EXOC6B: variants seen among roughly 807,000 people sequenced by gnomAD.
The protein encoded by EXOC6B is SEC15 homolog B.
In EXOC6B, 54 loss-of-function variants were observed where a neutral mutation model predicts 113.5. That is an observed-to-expected ratio of 0.48 (90% CI 0.38 to 0.60). EXOC6B has a LOEUF of 0.60. EXOC6B is among the 20% of genes least tolerant of loss of function. The pLI is 0.00. For missense variants in EXOC6B, 797 were observed against 977.5 expected (o/e 0.82, Z 2.46); for synonymous variants, 357 against 339.0 (o/e 1.05, Z -0.58).
chr2:72,229,777 A>G (rs190617673), intron 20 of EXOC6B, among the ~76,000 whole-genome samples: 1 of 152,302 alleles, frequency 6.6e-6, no homozygotes, highest in Admixed American at 6.5e-5. Context: ...AACTCAAAAT[A>G]TTTTTTAGAA....
rs1003745051 is a variant in EXOC6B, at chr2:72,315,148, A to C, written c.2196+19799T>G. 3.5e-4 allele frequency among the ~76,000 whole-genome samples: 53 copies of C among 152,192 alleles called. 1 individual carries two copies. The highest frequency in any genetic ancestry group is 1.2e-3 in the African/African-American group (51 of 41,452). ...ATTAAGTGAACTTTAAGTGACTTGA[A>C]TATCAAGACCTGAACAAGATGAAGG... On this transcript the variant is annotated intron_variant, in intron 20 of 21. Transcript: ENST00000272427.
chr2:72,540,276 A>G (rs1328869173), intron 8 of EXOC6B, among the ~76,000 whole-genome samples: 2 of 152,086 alleles, frequency 1.3e-5, no homozygotes, highest in Non-Finnish European at 2.9e-5. Flanking sequence ...GTGTCTTTAT[A>G]GCAGCATGAT....
At chr2:72,803,046 T>C (rs1323476018) in intron 1 of EXOC6B, among the ~76,000 whole-genome samples, 3 of 152,164 alleles carry the variant, frequency 2.0e-5, no homozygotes, top group Non-Finnish European at 2.9e-5. Context: ...TAGTGCCACA[T>C]ACATCTCAAA....
intron 18 of EXOC6B, among the ~76,000 whole-genome samples, chr2:72,391,922 T>C (rs796900125): frequency 6.6e-6 from 1 of 152,196 alleles, no homozygotes; most frequent in African/African-American, 2.4e-5. Flanking sequence ...TACAGACCCA[T>C]ATCTGAGTTC....
intron 20 of EXOC6B, among the ~76,000 whole-genome samples, chr2:72,288,364 T>C (rs919004743): frequency 1.3e-5 from 2 of 151,908 alleles, no homozygotes; most frequent in Non-Finnish European, 1.5e-5. Context: ...AAAAGATATA[T>C]ACAAGACTGT....
intron 20 of EXOC6B, among the ~76,000 whole-genome samples, chr2:72,281,137 G>A (rs1391071679): frequency 6.6e-6 from 1 of 152,190 alleles, no homozygotes; most frequent in African/African-American, 2.4e-5. Context: ...TGAGCAAAAT[G>A]TAGACTGAAC....
chr2:72,304,349 G>A (rs1376625489), intron 20 of EXOC6B, among the ~76,000 whole-genome samples: 2 of 152,072 alleles, frequency 1.3e-5, no homozygotes, highest in Non-Finnish European at 2.9e-5. Flanking sequence ...AATACTGGAG[G>A]TCAAATAGAA....
intron 19 of EXOC6B, among the ~76,000 whole-genome samples, chr2:72,341,846 C>A (rs769787787): frequency 6.6e-6 from 1 of 152,014 alleles, no homozygotes; most frequent in Non-Finnish European, 1.5e-5. Context: ...TGTTGAGTCA[C>A]AAAACATGTC....
chr2:72,243,509 C>A (rs1274173806), intron 20 of EXOC6B, among the ~76,000 whole-genome samples: 1 of 152,060 alleles, frequency 6.6e-6, no homozygotes, highest in African/African-American at 2.4e-5. Flanking sequence ...AACCAAACAC[C>A]CCATGTTCTC....
intron 20 of EXOC6B, among the ~76,000 whole-genome samples, chr2:72,195,594 A>T (rs182567709): frequency 1.3e-5 from 2 of 152,334 alleles, no homozygotes; most frequent in African/African-American, 4.8e-5. Context: ...GTTGTTAACT[A>T]AACTACCCTC....
intron 7 of EXOC6B, among the ~76,000 whole-genome samples, chr2:72,571,318 G>A (rs937274848): frequency 1.3e-5 from 2 of 152,048 alleles, no homozygotes; most frequent in African/African-American, 4.8e-5. Context: ...GGGAAGCCAA[G>A]GCAGGAGGAT....
chr2:72,213,699 C>A (rs73942565), intron 20 of EXOC6B, among the ~76,000 whole-genome samples: 2,237 of 152,142 alleles, frequency 0.015, 53 homozygotes, highest in African/African-American at 0.05. Flanking sequence ...GGACATGGGA[C>A]CTTTGAGAAG....
At chr2:72,494,310 G>T (rs1411768880) in intron 15 of EXOC6B, among the ~76,000 whole-genome samples, 1 of 151,894 alleles carries the variant, frequency 6.6e-6, no homozygotes, top group Non-Finnish European at 1.5e-5. Context: ...CTGATATAAG[G>T]TCACTTATAT....
intron 20 of EXOC6B, among the ~76,000 whole-genome samples, chr2:72,187,156 T>C (rs1037456228): frequency 6.6e-6 from 1 of 152,136 alleles, no homozygotes; most frequent in Non-Finnish European, 1.5e-5. Context: ...TGCATGCAGC[T>C]TTCCTGGATG....
At chr2:72,251,685 A>G (rs578193130) in intron 20 of EXOC6B, among the ~76,000 whole-genome samples, 4 of 152,338 alleles carry the variant, frequency 2.6e-5, no homozygotes, top group Non-Finnish European at 5.9e-5. Context: ...TTTTTCCTAC[A>G]GAGAATGTAT....
chr2:72,265,239 TTTATTA>T (rs58637794), intron 20 of EXOC6B, among the ~76,000 whole-genome samples: 17,501 of 146,798 alleles, frequency 0.12, 1,271 homozygotes, highest in Admixed American at 0.16. Flanking sequence ...TAACTATTCT[TTTATTA>T]TTATTATTAT....
At chr2:72,598,687 A>G (rs375568416) in intron 6 of EXOC6B, among the ~76,000 whole-genome samples, 1 of 152,086 alleles carries the variant, frequency 6.6e-6, no homozygotes, top group Non-Finnish European at 1.5e-5. Flanking sequence ...GAAGCCATAT[A>G]TTACAAATAG....
rs1680606403 is a variant in EXOC6B, at chr2:72,731,052, A to G, written c.419T>C (p.Val140Ala). 1.9e-6 allele frequency: 3 copies of G among 1,552,328 alleles called. No homozygotes were observed. The highest frequency in any genetic ancestry group is 2.6e-6 in the Non-Finnish European group (3 of 1,149,246). The change falls in exon 5 of 22, where the codon GTC becomes GCC. Residue 140 changes from valine to alanine, a missense_variant and splice_region_variant. Coordinates refer to ENST00000272427, the MANE Select transcript of EXOC6B (RefSeq NM_015189.3). ...TVDKLMLCLPVLEMYSKLRDQ... is the reference protein window; with the variant it reads ...TVDKLMLCLPALEMYSKLRDQ... ...CCTCAGTTTGCTGTACATCTCTAGG[A>G]CTTAAAAGAAAGAAAAGAATACACA... is the stretch of plus-strand genomic sequence containing the variant.
chr2:72,278,686 G>C (rs1041882007), intron 20 of EXOC6B, among the ~76,000 whole-genome samples: 7 of 152,020 alleles, frequency 4.6e-5, no homozygotes, highest in African/African-American at 1.4e-4. Context: ...CATCTCTGTA[G>C]GTGGCATAAT....
Sources: allele counts gnomAD v4.1 joint callset (sites outside exome capture counted in the v4.1 genomes callset), GRCh38; gene constraint gnomAD v4.1.1; transcripts MANE v1.5; gene names NCBI Gene and HGNC (gene_info 2026-07-23, HGNC 2026-07-21).